The following GFRA1 variants were observed in gnomAD, a reference collection of about 807,000 sequenced individuals.
GFRA1 encodes GDNF family receptor alpha 1, also known as GDNF family receptor alpha-1.
GFRA1 carries 16 observed loss-of-function variants against 51.6 expected under a neutral mutation model. The observed-to-expected ratio is 0.31, with a 90% CI of 0.21 to 0.47. The LOEUF (loss-of-function observed/expected upper bound fraction) is 0.47. GFRA1 is among the 20% of genes least tolerant of loss of function. The pLI is 1.00. For missense variants in GFRA1, 530 were observed against 594.3 expected, an observed-to-expected ratio of 0.89 and a Z score of 1.13; for synonymous variants, 270 against 241.3, an observed-to-expected ratio of 1.12 and a Z score of -1.10.
At chr10:116,108,503 A>G (rs1957084293) in intron 6 of GFRA1, among the ~76,000 whole-genome samples, 1 of 152,098 alleles carries the variant, frequency 6.6e-6, no homozygotes, top group South Asian at 2.1e-4. Flanking sequence ...CATTTTCTAC[A>G]TTTTAACTAA....
At chr10:116,146,877 A>G (rs1958823071) in intron 5 of GFRA1, among the ~76,000 whole-genome samples, 1 of 152,306 alleles carries the variant, frequency 6.6e-6, no homozygotes, top group Non-Finnish European at 1.5e-5. Context: ...TTACAAAAAC[A>G]TATATTCATG....
At chr10:116,140,848 C>CA (rs1958533848) in intron 5 of GFRA1, among the ~76,000 whole-genome samples, 1 of 152,170 alleles carries the variant, frequency 6.6e-6, no homozygotes, top group African/African-American at 2.4e-5. Flanking sequence ...AAAGGAATCA[C>CA]AATCACCTGC....
chr10:116,125,194 A>C (rs375975716), intron 6 of GFRA1, 27 bp downstream of exon 6: 7 of 1,581,100 alleles, frequency 4.4e-6, no homozygotes, highest in Middle Eastern at 1.7e-4. Flanking sequence ...TCACCTCATT[A>C]ATCACCAGCT....
At position 116,259,532 on chromosome 10, in the gene GFRA1, A is replaced by G. The variant is rs192428986; in HGVS notation, c.418+9971T>C. ...CGCGTGTTCTGGATTTTGGTTGTCA[A>G]TTAAGAACCCATCAGACGGCAGGCC... On this transcript the variant is annotated intron_variant, in intron 4 of 10. Transcript: ENST00000355422. 1.8e-3 allele frequency among the ~76,000 whole-genome samples: 277 copies of G among 152,306 alleles called. 1 individual carries two copies. The highest frequency in any genetic ancestry group is 6.4e-3 in the African/African-American group (267 of 41,574).
intron 5 of GFRA1, among the ~76,000 whole-genome samples, chr10:116,171,064 C>T (rs1279688433): frequency 6.6e-6 from 1 of 152,206 alleles, no homozygotes; most frequent in Non-Finnish European, 1.5e-5. Context: ...CAGTCAGGAA[C>T]TGCATCCTAT....
intron 5 of GFRA1, among the ~76,000 whole-genome samples, chr10:116,179,502 G>C (rs1232457216): frequency 1.3e-5 from 2 of 152,190 alleles, no homozygotes; most frequent in African/African-American, 2.4e-5. Flanking sequence ...TAGCTGGTAA[G>C]TGGTAGTGCC....
intron 5 of GFRA1, among the ~76,000 whole-genome samples, chr10:116,141,154 C>T (rs1958547853): frequency 6.6e-6 from 1 of 152,198 alleles, no homozygotes. Flanking sequence ...GACAGTTACA[C>T]CTCACACGAT....
chr10:116,079,798 C>T (rs558409988), intron 9 of GFRA1, among the ~76,000 whole-genome samples: 89 of 152,234 alleles, frequency 5.8e-4, no homozygotes, highest in Admixed American at 7.8e-4. Flanking sequence ...TCACTGAAAT[C>T]GACAGGGTTG....
intron 5 of GFRA1, among the ~76,000 whole-genome samples, chr10:116,180,117 A>G (rs1165413904): frequency 6.6e-6 from 1 of 152,248 alleles, no homozygotes; most frequent in Non-Finnish European, 1.5e-5. Flanking sequence ...CTGAACAAAT[A>G]TATAATTAAT....
In GFRA1 at chr10:116,090,215, CTAAAATATCCA is replaced by C. The variant is rs537532479; in HGVS notation, c.1016-304_1016-294del. Among the ~76,000 whole-genome samples the C allele has an allele frequency of 6.6e-5, 10 of 152,174 alleles. No homozygotes were observed. The East Asian group carries it at 1.9e-3, about 29-fold the overall frequency. The stretch of plus-strand genomic sequence containing the variant: ...CCAGGTGCTGAGCAAGATCCTTGCC[CTAAAATATCCA>C]TCAGTCAAGCCCTTTGAAACCCAGC... On this transcript the variant is annotated intron_variant, in intron 8 of 10. Transcript: ENST00000355422.
chr10:116,228,980 CAAAAAAAA>C lies in GFRA1; in HGVS notation c.419-17343_419-17336del, dbSNP rs57618028. Reference sequence around the variant, plus strand: ...TTGATGACAGACCAATACTCCATCTCAAAAAAAAAAAAAAAAAAAAAAAAAAAGAAAGG... The same window carrying C: ...TTGATGACAGACCAATACTCCATCTCAAAAAAAAAAAAAAAAAAAGAAAGG... On this transcript the variant is annotated intron_variant, in intron 4 of 10. Coordinates refer to ENST00000355422, the MANE Select transcript of GFRA1 (RefSeq NM_005264.8). Among the ~76,000 whole-genome samples the C allele has an allele frequency of 9.8e-4, 52 of 52,890 alleles. 1 individual carries two copies. The East Asian group carries it at 0.026, about 26-fold the overall frequency. 34.7% of individuals were successfully genotyped at this position (52,890 alleles called of 152,430 possible).
chr10:116,177,006 G>T (rs1961684753), intron 5 of GFRA1, among the ~76,000 whole-genome samples: 1 of 152,130 alleles, frequency 6.6e-6, no homozygotes, highest in Admixed American at 6.5e-5. Flanking sequence ...AGAGATCAAT[G>T]GACAATGGGA....
At chr10:116,137,296 G>A (rs1049620837) in intron 5 of GFRA1, among the ~76,000 whole-genome samples, 2 of 152,176 alleles carry the variant, frequency 1.3e-5, no homozygotes, top group Admixed American at 6.5e-5. Context: ...CTATTAAGTA[G>A]CCTAGATGAT....
intron 5 of GFRA1, among the ~76,000 whole-genome samples, chr10:116,209,408 C>T (rs1478334624): frequency 6.6e-6 from 1 of 152,072 alleles, no homozygotes; most frequent in African/African-American, 2.4e-5. Context: ...GGGCAGAGTC[C>T]TCCCTCCCTC....
chr10:116,204,679 C>G (rs7073308), intron 5 of GFRA1, among the ~76,000 whole-genome samples: 7,293 of 152,198 alleles, frequency 0.048, 608 homozygotes, highest in African/African-American at 0.17. Flanking sequence ...AAAATGGGAA[C>G]AATTTGAGCA....
intron 6 of GFRA1, among the ~76,000 whole-genome samples, chr10:116,120,768 G>A (rs1051604688): frequency 6.6e-6 from 1 of 152,164 alleles, no homozygotes; most frequent in Non-Finnish European, 1.5e-5. Context: ...GGCTGCATAG[G>A]TGAGTATAAA....
At chr10:116,095,065 GTAAGGGTT>G (rs1268133392) in intron 7 of GFRA1, among the ~76,000 whole-genome samples, 10 of 152,148 alleles carry the variant, frequency 6.6e-5, no homozygotes, top group African/African-American at 1.4e-4. Context: ...CCTTAGGTGC[GTAAGGGTT>G]TAAGGTTTGC....
intron 4 of GFRA1, among the ~76,000 whole-genome samples, chr10:116,243,245 T>C (rs1482360583): frequency 2.0e-5 from 3 of 152,166 alleles, no homozygotes; most frequent in African/African-American, 4.8e-5. Flanking sequence ...ATTAAAGATA[T>C]TTGATAAGCA....
intron 6 of GFRA1, among the ~76,000 whole-genome samples, chr10:116,117,560 GATGGATGGATGGA>G (rs1957469642): frequency 4.3e-5 from 6 of 138,802 alleles, no homozygotes; most frequent in African/African-American, 1.1e-4. Context: ...TGGGTGTGTG[GATGGATGGATGGA>G]TGGATGGATG....
Sources: allele counts gnomAD v4.1 joint callset (sites outside exome capture counted in the v4.1 genomes callset), GRCh38; gene constraint gnomAD v4.1.1; transcripts MANE v1.5; gene names NCBI Gene and HGNC (gene_info 2026-07-23, HGNC 2026-07-21).